WNK1: variants seen among roughly 807,000 people sequenced by gnomAD.
WNK1 encodes the protein WNK lysine deficient protein kinase 1.
WNK1 carries 38 observed loss-of-function variants against 222.8 expected under a neutral mutation model. The ratio of observed to expected loss-of-function variants is 0.17; its 90% CI spans 0.13 to 0.22. WNK1 has a LOEUF of 0.22. WNK1 is among the 10% of genes least tolerant of loss of function. The pLI is 1.00. For missense variants in WNK1, 2,348 were observed against 2,918.4 expected, an observed-to-expected ratio of 0.80 and a Z score of 4.50; for synonymous variants, 1,090 against 1,092.9, an observed-to-expected ratio of 1.00 and a Z score of 0.05.
rs72649852 is a variant in WNK1 at position 865,621 on chromosome 12, C to T, written c.2139+3351C>T. On this transcript the variant is annotated intron_variant, in intron 8 of 27. Transcript: ENST00000315939. ...CATGTGTCCAATAAAATTTACCTTTCATTATATCTTCCTGTTTCCTATCGA... is the reference window on the plus strand; with the variant it reads ...CATGTGTCCAATAAAATTTACCTTTTATTATATCTTCCTGTTTCCTATCGA... Among the ~76,000 whole-genome samples the T allele has an allele frequency of 0.033, 5,060 of 152,216 alleles. 190 individuals are homozygous for T. Among genetic ancestry groups the T allele is most frequent in the African/African-American group, 0.088 (3,640 of 41,516 alleles).
intron 2 of WNK1, among the ~76,000 whole-genome samples, chr12:814,137 T>C (rs375509119): frequency 1.3e-5 from 2 of 149,340 alleles, no homozygotes; most frequent in Non-Finnish European, 2.9e-5. Context: ...GAGACCAGCC[T>C]GGCCAACGTG....
chr12:845,116 C>T (rs938365450), intron 4 of WNK1, among the ~76,000 whole-genome samples: 8 of 151,468 alleles, frequency 5.3e-5, no homozygotes, highest in Non-Finnish European at 1.0e-4. Context: ...GGGATGGTCT[C>T]GATCTCCTGA....
intron 4 of WNK1, among the ~76,000 whole-genome samples, chr12:832,144 C>T (rs913902943): frequency 6.6e-6 from 1 of 152,088 alleles, no homozygotes; most frequent in Non-Finnish European, 1.5e-5. Context: ...GGCGCCATCT[C>T]GGCTCACTGC....
At chr12:861,617 A>T (rs1951224307) in intron 7 of WNK1, among the ~76,000 whole-genome samples, 1 of 152,216 alleles carries the variant, frequency 6.6e-6, no homozygotes, top group Non-Finnish European at 1.5e-5. Context: ...TACTTTTCAC[A>T]ATTTATTTAA....
chr12:898,356 G>A (rs1157866016), intron 25 of WNK1, among the ~76,000 whole-genome samples: 2 of 151,766 alleles, frequency 1.3e-5, no homozygotes, highest in African/African-American at 4.8e-5. Context: ...GGTGGCAGGC[G>A]CCTATAGTCC....
chr12:769,893 C>G (rs1942262695), intron 1 of WNK1, among the ~76,000 whole-genome samples: 1 of 152,004 alleles, frequency 6.6e-6, no homozygotes, highest in Non-Finnish European at 1.5e-5. Context: ...AACCCACTCT[C>G]AAAAGCCTTT....
intron 1 of WNK1, among the ~76,000 whole-genome samples, chr12:790,273 T>C (rs1192571019): frequency 6.6e-6 from 1 of 152,174 alleles, no homozygotes; most frequent in Non-Finnish European, 1.5e-5. Context: ...TTTATTACAT[T>C]TTGTTTTTTA....
chr12:777,534 G>C (rs1473782054), intron 1 of WNK1, among the ~76,000 whole-genome samples: 2 of 152,180 alleles, frequency 1.3e-5, no homozygotes, highest in Non-Finnish European at 2.9e-5. Flanking sequence ...TTAGGCACTT[G>C]TGTTACTTTG....
At chr12:852,397 A>C (rs72648657) in intron 4 of WNK1, among the ~76,000 whole-genome samples, 6,371 of 152,248 alleles carry the variant, frequency 0.042, 343 homozygotes, top group African/African-American at 0.12. Context: ...ATATTCAAGA[A>C]ATACTTATAT....
chr12:868,012 C>T, intron 8 of WNK1: 2 of 1,614,020 alleles, frequency 1.2e-6, no homozygotes, highest in Non-Finnish European at 8.5e-7. Flanking sequence ...GGCGTAAGAG[C>T]ACCTCCTTCC....
At chr12:789,146 G>A (rs2153978277) in intron 1 of WNK1, among the ~76,000 whole-genome samples, 1 of 152,210 alleles carries the variant, frequency 6.6e-6, no homozygotes, top group South Asian at 2.1e-4. Context: ...AAGTGGAGAG[G>A]TAAGATTCTT....
chr12:835,139 T>C (rs1394339493), intron 4 of WNK1, among the ~76,000 whole-genome samples: 1 of 152,128 alleles, frequency 6.6e-6, no homozygotes, highest in African/African-American at 2.4e-5. Context: ...GGCAACATGA[T>C]GAAACATTAT....
chr12:797,299 A>G (rs1323626924), intron 1 of WNK1, among the ~76,000 whole-genome samples: 3 of 152,216 alleles, frequency 2.0e-5, no homozygotes, highest in Non-Finnish European at 4.4e-5. Context: ...ATTGTGTTCA[A>G]TAAAGATTGG....
intron 2 of WNK1, among the ~76,000 whole-genome samples, chr12:822,215 T>C (rs548628391): frequency 1.4e-5 from 2 of 145,206 alleles, no homozygotes; most frequent in Non-Finnish European, 3.0e-5. Context: ...TGCCTCAGCC[T>C]CCTGAGTAGC....
At chr12:871,664 G>T (rs1489561095) in intron 9 of WNK1, among the ~76,000 whole-genome samples, 1 of 152,044 alleles carries the variant, frequency 6.6e-6, no homozygotes, top group African/African-American at 2.4e-5. Context: ...GTGCAGTGGT[G>T]CAATCTTAGC....
At chr12:797,361 A>G (rs554110421) in intron 1 of WNK1, among the ~76,000 whole-genome samples, 1 of 152,340 alleles carries the variant, frequency 6.6e-6, no homozygotes, top group Non-Finnish European at 1.5e-5. Flanking sequence ...TCTATATAAG[A>G]GAAACATCAG....
intron 1 of WNK1, among the ~76,000 whole-genome samples, chr12:765,494 G>A (rs1379490637): frequency 2.0e-5 from 3 of 147,568 alleles, no homozygotes; most frequent in Non-Finnish European, 3.0e-5. Flanking sequence ...CTGCAGTGAG[G>A]CTTGATCATG....
At position 871,301 on chromosome 12, in the gene WNK1, A is replaced by C; in HGVS notation, c.2176A>C (p.Ser726Arg). 1 of 1,614,214 alleles carries C rather than the reference A, an allele frequency of 6.2e-7. No individual in the cohort carries two copies. Reference protein sequence around the residue: ...GQSQGQPSSSSLTGVSSSQPI... With the variant: ...GQSQGQPSSSRLTGVSSSQPI... Reference sequence around the variant, plus strand: ...GAGCCAGGGTCAGCCATCCTCAAGTAGCTTAACAGGGGTTTCATCTTCCCA... The same window carrying C: ...GAGCCAGGGTCAGCCATCCTCAAGTCGCTTAACAGGGGTTTCATCTTCCCA... The change falls in exon 9 of 28, where the codon AGC becomes CGC. Residue 726 changes from serine (S) to arginine (R), a missense_variant. Around this residue, in one of 13 missense-constraint regions of WNK1, gnomAD observed 547 missense variants for 558.3 expected, o/e 0.98. Coordinates refer to ENST00000315939, the MANE Select transcript of WNK1 (RefSeq NM_018979.4).
At chr12:871,407 C>G (rs564349856) in intron 9 of WNK1, 59 bp downstream of exon 9, 15 of 1,557,028 alleles carry the variant, frequency 9.6e-6, no homozygotes, top group Non-Finnish European at 1.3e-5. Flanking sequence ...ACTATTTTAA[C>G]TTTTGTGATT....
Sources: allele counts gnomAD v4.1 joint callset (sites outside exome capture counted in the v4.1 genomes callset), GRCh38; gene constraint gnomAD v4.1.1; regional missense constraint gnomAD v4.1.1; transcripts MANE v1.5; gene names NCBI Gene and HGNC (gene_info 2026-07-23, HGNC 2026-07-21).